Variants in RAB38 observed in about 807,000 individuals in gnomAD.
RAB38 encodes the protein RAB38, member RAS oncogene family.
Under a neutral mutation model 18.4 loss-of-function variants are expected in RAB38, and 15 were observed. The ratio of observed to expected loss-of-function variants is 0.82; its 90% CI spans 0.55 to 1.26. The LOEUF (loss-of-function observed/expected upper bound fraction) is 1.26. Ranked by LOEUF, RAB38 falls within the 50% of genes most tolerant of loss-of-function variation. The probability of loss-of-function intolerance (pLI) is 0.00; values close to 1 mark genes in which losing one functional copy is unlikely to be tolerated. For missense variants in RAB38, 294 were observed against 267.4 expected, an observed-to-expected ratio of 1.10 and a Z score of -0.69; for synonymous variants, 101 against 104.4, an observed-to-expected ratio of 0.97 and a Z score of 0.20.
the RAB38 span, among the ~76,000 whole-genome samples, chr11:87,892,153 C>G: frequency 3.3e-5 from 5 of 151,748 alleles, no homozygotes; most frequent in African/African-American, 1.2e-4. Context: ...CCCTATTAGC[C>G]CATGTGCAGT....
the RAB38 span, among the ~76,000 whole-genome samples, chr11:87,866,335 A>C: frequency 6.6e-6 from 1 of 151,860 alleles, no homozygotes. Context: ...GCAAGCACTA[A>C]TACTACTCCA....
intron 1 of RAB38, among the ~76,000 whole-genome samples, chr11:88,159,858 T>C (rs1943169453): frequency 3.3e-5 from 5 of 151,798 alleles, no homozygotes; most frequent in Admixed American, 3.3e-4. Flanking sequence ...AAATGTAAGA[T>C]CTGAAGCTAG....
the RAB38 span, among the ~76,000 whole-genome samples, chr11:87,833,046 T>A: frequency 6.6e-6 from 1 of 152,190 alleles, no homozygotes; most frequent in African/African-American, 2.4e-5. Context: ...TTTAGACTGT[T>A]CCCGTGGACT....
chr11:87,927,902 C>T, the RAB38 span, among the ~76,000 whole-genome samples: 9 of 151,676 alleles, frequency 5.9e-5, no homozygotes, highest in African/African-American at 2.2e-4. Flanking sequence ...CCTGTCTCTA[C>T]ACAACATAAA....
chr11:88,095,928 G>C, the RAB38 span, among the ~76,000 whole-genome samples: 3 of 151,950 alleles, frequency 2.0e-5, no homozygotes, highest in Admixed American at 2.0e-4. Flanking sequence ...GTGACTTTCA[G>C]CACCTCATCC....
At chr11:88,172,695 G>A (rs184241598) in intron 1 of RAB38, among the ~76,000 whole-genome samples, 78 of 152,318 alleles carry the variant, frequency 5.1e-4, no homozygotes, top group Admixed American at 3.5e-3. Context: ...TGGCTGACTG[G>A]AGTCTGGGTG....
the RAB38 span, among the ~76,000 whole-genome samples, chr11:87,861,525 A>G: frequency 8.6e-5 from 13 of 151,936 alleles, no homozygotes; most frequent in African/African-American, 3.1e-4. Flanking sequence ...AAGCCAGTCA[A>G]GAGCAAAGGT....
intron 2 of RAB38, among the ~76,000 whole-genome samples, chr11:88,126,289 A>G (rs1942693953): frequency 6.6e-6 from 1 of 152,204 alleles, no homozygotes; most frequent in Non-Finnish European, 1.5e-5. Context: ...AATAGCAAAG[A>G]CTTGGAACCA....
the RAB38 span, among the ~76,000 whole-genome samples, chr11:87,860,652 T>G: frequency 6.6e-6 from 1 of 151,976 alleles, no homozygotes; most frequent in Admixed American, 6.6e-5. Flanking sequence ...AGTGACCGAT[T>G]GTTTCACTAA....
intron 2 of RAB38, among the ~76,000 whole-genome samples, chr11:88,148,104 G>C (rs1943014514): frequency 1.3e-5 from 2 of 152,102 alleles, no homozygotes; most frequent in South Asian, 4.2e-4. Flanking sequence ...CCAAGAAACA[G>C]GGGAAATCAA....
At chr11:87,890,209 C>A in the RAB38 span, among the ~76,000 whole-genome samples, 1 of 151,808 alleles carries the variant, frequency 6.6e-6, no homozygotes, top group Non-Finnish European at 1.5e-5. Flanking sequence ...GAAAACAATT[C>A]AGTGATCATG....
At chr11:88,073,182 G>C in the RAB38 span, among the ~76,000 whole-genome samples, 1 of 152,188 alleles carries the variant, frequency 6.6e-6, no homozygotes, top group African/African-American at 2.4e-5. Context: ...TGCCTGGAGA[G>C]AGATATATCC....
the RAB38 span, among the ~76,000 whole-genome samples, chr11:88,044,729 C>T: frequency 1.3e-5 from 2 of 151,996 alleles, no homozygotes; most frequent in South Asian, 2.1e-4. Flanking sequence ...TCCTTCTTTC[C>T]CTCCCACCTG....
the RAB38 span, among the ~76,000 whole-genome samples, chr11:88,037,317 T>C: frequency 6.6e-6 from 1 of 152,124 alleles, no homozygotes; most frequent in African/African-American, 2.4e-5. Context: ...TTGTAGATAA[T>C]TAAATACTTT....
At chr11:87,919,851 AT>A in the RAB38 span, among the ~76,000 whole-genome samples, 1 of 151,920 alleles carries the variant, frequency 6.6e-6, no homozygotes, top group Admixed American at 6.6e-5. Context: ...ATGTCTAGGA[AT>A]TTATTCATTT....
the RAB38 span, among the ~76,000 whole-genome samples, chr11:87,884,699 G>T: frequency 1.3e-5 from 2 of 151,890 alleles, no homozygotes; most frequent in African/African-American, 4.8e-5. Flanking sequence ...TAGTCTCTAT[G>T]ACTAGATGGG....
chr11:88,174,196 G>C (rs1943347255), intron 1 of RAB38: 1 of 678,488 alleles, frequency 1.5e-6, no homozygotes, highest in East Asian at 1.4e-4. Flanking sequence ...CTTGTCCAAA[G>C]CCACTGAGCA....
At chr11:87,941,292 C>A in the RAB38 span, among the ~76,000 whole-genome samples, 1 of 130,816 alleles carries the variant, frequency 7.6e-6, no homozygotes, top group African/African-American at 3.0e-5. Context: ...GCCTGGTAGC[C>A]CAAACTGTCC....
the RAB38 span, chr11:87,816,385 T>C: frequency 1.2e-4 from 19 of 152,388 alleles, no homozygotes; most frequent in African/African-American, 4.6e-4. Flanking sequence ...AATAGTCTTT[T>C]TAATTTATTT....
Sources: allele counts gnomAD v4.1 joint callset (sites outside exome capture counted in the v4.1 genomes callset), GRCh38; gene constraint gnomAD v4.1.1; transcripts MANE v1.5; gene names NCBI Gene and HGNC (gene_info 2026-07-23, HGNC 2026-07-21).